The following LOC128125817 variants were observed in gnomAD, a reference collection of about 807,000 sequenced individuals.
chr1:41,596,130 G>A, the LOC128125817 span, among the ~76,000 whole-genome samples: 20 of 152,184 alleles, frequency 1.3e-4, no homozygotes, highest in East Asian at 1.5e-3. Context: ...GTTTCCACAC[G>A]TCCCCTCCTA....
At chr1:41,587,791 AC>A in the LOC128125817 span, among the ~76,000 whole-genome samples, 1 of 151,686 alleles carries the variant, frequency 6.6e-6, no homozygotes, top group East Asian at 1.9e-4. Context: ...GTGCCTCTTG[AC>A]CCCCCAGCCA....
the LOC128125817 span, among the ~76,000 whole-genome samples, chr1:41,593,006 C>T: frequency 2.0e-5 from 3 of 152,208 alleles, no homozygotes; most frequent in East Asian, 1.9e-4. Flanking sequence ...TCATCAATCC[C>T]CAAATCTGGT....
the LOC128125817 span, among the ~76,000 whole-genome samples, chr1:41,609,638 C>A: frequency 6.6e-6 from 1 of 152,262 alleles, no homozygotes; most frequent in Non-Finnish European, 1.5e-5. Flanking sequence ...AGCCTCCCCA[C>A]TAGTTTAGGC....
At chr1:41,604,179 T>A in the LOC128125817 span, among the ~76,000 whole-genome samples, 5 of 152,138 alleles carry the variant, frequency 3.3e-5, no homozygotes, top group African/African-American at 9.7e-5. Context: ...TAAGACTATA[T>A]CCTATAGAAA....
At chr1:41,587,937 G>A in the LOC128125817 span, among the ~76,000 whole-genome samples, 3 of 152,172 alleles carry the variant, frequency 2.0e-5, no homozygotes, top group Non-Finnish European at 4.4e-5. Context: ...ACGGCAAGAG[G>A]GAGTAAGGAA....
chr1:41,623,431 G>C, the LOC128125817 span, among the ~76,000 whole-genome samples: 1 of 152,162 alleles, frequency 6.6e-6, no homozygotes, highest in Non-Finnish European at 1.5e-5. Context: ...AAACAAACAG[G>C]GCTATGTAAA....
At chr1:41,607,754 C>T in the LOC128125817 span, among the ~76,000 whole-genome samples, 3,553 of 152,288 alleles carry the variant, frequency 0.023, 140 homozygotes, top group African/African-American at 0.082. Context: ...ATAACAAGGA[C>T]CTAACTGCAG....
chr1:41,588,230 T>G, the LOC128125817 span, among the ~76,000 whole-genome samples: 5 of 152,144 alleles, frequency 3.3e-5, no homozygotes, highest in Admixed American at 1.3e-4. Context: ...GGGTGCTATG[T>G]GTGGATAATC....
At chr1:41,595,241 C>G in the LOC128125817 span, among the ~76,000 whole-genome samples, 1 of 152,226 alleles carries the variant, frequency 6.6e-6, no homozygotes, top group African/African-American at 2.4e-5. Context: ...CCCCACTCCA[C>G]TATTCATTGT....
chr1:41,619,533 A>C, the LOC128125817 span, among the ~76,000 whole-genome samples: 1 of 152,322 alleles, frequency 6.6e-6, no homozygotes, highest in Non-Finnish European at 1.5e-5. Flanking sequence ...GTGCTTTGTC[A>C]CCCAGAATGG....
chr1:41,611,059 C>T, the LOC128125817 span, among the ~76,000 whole-genome samples: 1 of 152,132 alleles, frequency 6.6e-6, no homozygotes, highest in Non-Finnish European at 1.5e-5. Flanking sequence ...GAAAGAAGGC[C>T]GTAGGCTCAG....
chr1:41,619,751 T>A, the LOC128125817 span, among the ~76,000 whole-genome samples: 2 of 152,164 alleles, frequency 1.3e-5, no homozygotes, highest in African/African-American at 4.8e-5. Context: ...GTCCGAATGC[T>A]ATATTTTTGG....
At chr1:41,618,230 C>T in the LOC128125817 span, among the ~76,000 whole-genome samples, 1 of 152,246 alleles carries the variant, frequency 6.6e-6, no homozygotes, top group South Asian at 2.1e-4. Flanking sequence ...AGGCTTGCCA[C>T]TCTGGCTGCC....
chr1:41,622,538 C>T, the LOC128125817 span, among the ~76,000 whole-genome samples: 2 of 152,294 alleles, frequency 1.3e-5, no homozygotes, highest in African/African-American at 4.8e-5. Context: ...AACACAACCA[C>T]GCCCATTTTT....
At chr1:41,624,582 C>T in the LOC128125817 span, among the ~76,000 whole-genome samples, 1 of 152,140 alleles carries the variant, frequency 6.6e-6, no homozygotes, top group Non-Finnish European at 1.5e-5. Flanking sequence ...ACTCTATATG[C>T]GTACACAAAA....
the LOC128125817 span, among the ~76,000 whole-genome samples, chr1:41,603,900 C>A: frequency 6.6e-6 from 1 of 152,176 alleles, no homozygotes; most frequent in African/African-American, 2.4e-5. Flanking sequence ...TGTTGATATT[C>A]TATCCGTTAT....
At chr1:41,595,799 T>C in the LOC128125817 span, among the ~76,000 whole-genome samples, 84 of 152,274 alleles carry the variant, frequency 5.5e-4, no homozygotes, top group Non-Finnish European at 1.0e-3. Flanking sequence ...CTGGCCTACA[T>C]CTTTCTCCTG....
chr1:41,586,742 G>A, the LOC128125817 span, among the ~76,000 whole-genome samples: 31 of 152,298 alleles, frequency 2.0e-4, no homozygotes, highest in Middle Eastern at 3.4e-3. Flanking sequence ...ATATGCTTTG[G>A]AGGAGCAGGT....
the LOC128125817 span, among the ~76,000 whole-genome samples, chr1:41,621,354 T>C: frequency 6.6e-6 from 1 of 152,162 alleles, no homozygotes; most frequent in South Asian, 2.1e-4. Flanking sequence ...CAGGATAAAG[T>C]CTAAGCTTCC....
Sources: allele counts gnomAD v4.1 joint callset (sites outside exome capture counted in the v4.1 genomes callset), GRCh38; gene constraint gnomAD v4.1.1; transcripts MANE v1.5.